KANSL1L: variants seen among roughly 807,000 people sequenced by gnomAD.
KANSL1L encodes KAT8 regulatory NSL complex subunit 1 like, also known as KAT8 regulatory NSL complex subunit 1-like protein.
Under a neutral mutation model 108.6 loss-of-function variants are expected in KANSL1L, and 25 were observed. The ratio of observed to expected loss-of-function variants is 0.23; its 90% confidence interval spans 0.17 to 0.32. KANSL1L has a LOEUF of 0.32. Ranked by LOEUF, KANSL1L falls within the 10% of genes least tolerant of loss-of-function variation. The pLI is 1.00. For synonymous variants in KANSL1L, 405 were observed against 395.1 expected, an observed-to-expected ratio of 1.03 and a Z score of -0.30; for missense variants, 1,137 against 1,125.7, an observed-to-expected ratio of 1.01 and a Z score of -0.14.
intron 6 of KANSL1L, among the ~76,000 whole-genome samples, chr2:210,070,607 C>A (rs968415328): frequency 3.9e-5 from 6 of 152,070 alleles, no homozygotes; most frequent in Admixed American, 2.6e-4. Flanking sequence ...ATTTCAGGAT[C>A]CTTAATTGCA....
chr2:210,058,860 G>A (rs2094387962), intron 6 of KANSL1L, among the ~76,000 whole-genome samples: 1 of 137,632 alleles, frequency 7.3e-6, no homozygotes, highest in South Asian at 2.3e-4. Flanking sequence ...AAAAAACCTT[G>A]CTGGTTTTAC....
At position 210,087,729 on chromosome 2, in the gene KANSL1L, C is replaced by T. The variant is rs371822314; in HGVS notation, c.1550+10357G>A. Among the ~76,000 whole-genome samples, 10 of 152,072 alleles carry T rather than the reference C, an allele frequency of 6.6e-5. No homozygotes were observed. The East Asian group carries it at 9.6e-4, about 15-fold the overall frequency. On this transcript the variant is annotated intron_variant, in intron 5 of 14. Transcript: ENST00000281772. Reference sequence around the variant, plus strand: ...AGTCCAGGAAGACAGATAATAAGCACGTAAAAAATTAACAAAATAACATCA... The same window carrying T: ...AGTCCAGGAAGACAGATAATAAGCATGTAAAAAATTAACAAAATAACATCA...
intron 5 of KANSL1L, among the ~76,000 whole-genome samples, chr2:210,093,427 T>C (rs944467148): frequency 6.6e-6 from 1 of 152,208 alleles, no homozygotes; most frequent in Non-Finnish European, 1.5e-5. Flanking sequence ...ATTACAGGCA[T>C]GAGGAATCTC....
At chr2:210,125,974 A>C (rs935141481) in intron 3 of KANSL1L, among the ~76,000 whole-genome samples, 3 of 152,230 alleles carry the variant, frequency 2.0e-5, no homozygotes, top group South Asian at 2.1e-4. Flanking sequence ...TGGAAGTTCT[A>C]GACAAAGCAA....
chr2:210,121,045 G>A (rs949044864), intron 3 of KANSL1L, among the ~76,000 whole-genome samples: 3 of 152,144 alleles, frequency 2.0e-5, no homozygotes, highest in Non-Finnish European at 2.9e-5. Flanking sequence ...TACACCACTG[G>A]TGAGAGTGAA....
intron 7 of KANSL1L, 24 bp from the exon 8 acceptor site, chr2:210,040,551 T>C (rs751732236): frequency 1.9e-6 from 2 of 1,072,232 alleles, no homozygotes; most frequent in South Asian, 1.6e-5. Flanking sequence ...ATAAAAAAGG[T>C]ATTTTCAAAT....
intron 2 of KANSL1L, among the ~76,000 whole-genome samples, chr2:210,133,344 A>G (rs1439072857): frequency 6.6e-6 from 1 of 151,904 alleles, no homozygotes; most frequent in Non-Finnish European, 1.5e-5. Context: ...ATTATTTTAT[A>G]TTTTTCTTGG....
intron 1 of KANSL1L, among the ~76,000 whole-genome samples, chr2:210,170,840 C>T (rs1688293892): frequency 6.6e-6 from 1 of 151,888 alleles, no homozygotes; most frequent in African/African-American, 2.4e-5. Flanking sequence ...GTCTGCCAAG[C>T]CCCACCCCCC....
chr2:210,150,583 G>C (rs2095295695), intron 2 of KANSL1L, among the ~76,000 whole-genome samples: 1 of 152,076 alleles, frequency 6.6e-6, no homozygotes, highest in African/African-American at 2.4e-5. Context: ...AAGAGCTTGA[G>C]ACCAGCTTGA....
chr2:210,072,884 C>G (rs1325482531), intron 6 of KANSL1L, among the ~76,000 whole-genome samples: 1 of 152,136 alleles, frequency 6.6e-6, no homozygotes, highest in African/African-American at 2.4e-5. Context: ...TGATTCTTGT[C>G]CAATCAATCT....
chr2:210,054,891 A>G (rs181621416), intron 6 of KANSL1L, among the ~76,000 whole-genome samples: 143 of 152,324 alleles, frequency 9.4e-4, no homozygotes, highest in Non-Finnish European at 1.7e-3. Context: ...CTAGATACAG[A>G]AAACCCCAAA....
chr2:210,027,336 A>C lies in KANSL1L; in HGVS notation c.2411T>G (p.Val804Gly). ...ATTATATTCATCCAAAGGCTGAAGA[A>C]CAACCATCCTCCAGCTGTTGAAGAT... is the stretch of plus-strand genomic sequence containing the variant. ...EILTPSWRMV[V>G]LQPLDEYNLG... The change falls in exon 12 of 15, where the codon GTT becomes GGT. Residue 804 changes from valine (V) to glycine (G), a missense_variant. This residue lies in a region of KANSL1L where 575 missense variants were observed against 567.1 expected (regional missense o/e 1.01). Coordinates refer to ENST00000281772, the MANE Select transcript of KANSL1L (RefSeq NM_152519.4). 6.2e-7 allele frequency: 1 copy of C among 1,612,952 alleles called. No homozygotes were observed. Among genetic ancestry groups the C allele is most frequent in the South Asian group, 1.1e-5 (1 of 91,026 alleles).
At chr2:210,108,044 T>A (rs914442548) in intron 3 of KANSL1L, among the ~76,000 whole-genome samples, 3 of 152,188 alleles carry the variant, frequency 2.0e-5, no homozygotes, top group African/African-American at 7.2e-5. Context: ...GAAAGTTCTA[T>A]TTCAAGACAG....
intron 1 of KANSL1L, among the ~76,000 whole-genome samples, chr2:210,158,316 T>C (rs1234977635): frequency 6.6e-6 from 1 of 152,110 alleles, no homozygotes; most frequent in Non-Finnish European, 1.5e-5. Flanking sequence ...ATAGAAATGA[T>C]GTCTCCAACC....
chr2:210,031,465 A>G lies in KANSL1L; in HGVS notation c.2111T>C (p.Leu704Pro), dbSNP rs947555919. 1 of 1,599,268 alleles carries G rather than the reference A, an allele frequency of 6.3e-7. No homozygotes were observed. Among genetic ancestry groups the G allele is most frequent in the Admixed American group, 1.7e-5 (1 of 59,508 alleles). The change falls in exon 9 of 15, where the codon CTG becomes CCG. Residue 704 changes from leucine to proline, a missense_variant. By Grantham distance (98) the Leu-to-Pro change is moderately conservative. Coordinates refer to ENST00000281772, the MANE Select transcript of KANSL1L (RefSeq NM_152519.4). ...ATGTCTTTTCTTTCTTCCCTGTAAC[A>G]GTTGTGCAGAAGATTCTGACCTTAT... ...PQIRSESSAQLLQGRKKRHLS... is the reference protein window; with the variant it reads ...PQIRSESSAQPLQGRKKRHLS...
chr2:210,096,064 C>T (rs1183258522), intron 5 of KANSL1L, among the ~76,000 whole-genome samples: 1 of 152,120 alleles, frequency 6.6e-6, no homozygotes, highest in Non-Finnish European at 1.5e-5. Flanking sequence ...TTGTTAAAAA[C>T]TTTCAAAAGC....
intron 3 of KANSL1L, among the ~76,000 whole-genome samples, chr2:210,123,578 TAGAG>T (rs1458997790): frequency 3.3e-5 from 5 of 151,836 alleles, no homozygotes; most frequent in Admixed American, 2.0e-4. Context: ...AAAATATAAT[TAGAG>T]AGAATAAATA....
At chr2:210,155,835 T>A (rs1479693068) in intron 1 of KANSL1L, among the ~76,000 whole-genome samples, 1 of 152,182 alleles carries the variant, frequency 6.6e-6, no homozygotes. Context: ...CACATAATAG[T>A]TGATAGTCAT....
chr2:210,098,300 T>G (rs1316359782), intron 4 of KANSL1L, 93 bp from the exon 5 acceptor site: 3 of 1,091,006 alleles, frequency 2.7e-6, no homozygotes, highest in Non-Finnish European at 4.0e-6. Context: ...TAACTTCTCA[T>G]GACACACATG....
Sources: allele counts gnomAD v4.1 joint callset (sites outside exome capture counted in the v4.1 genomes callset), GRCh38; gene constraint gnomAD v4.1.1; regional missense constraint gnomAD v4.1.1; transcripts MANE v1.5; gene names NCBI Gene and HGNC (gene_info 2026-07-23, HGNC 2026-07-21).